Variants in ING3 observed in about 807,000 individuals in gnomAD.
ING3 encodes inhibitor of growth protein 3.
Under a neutral mutation model 64.8 loss-of-function variants are expected in ING3, and 6 were observed. That is an observed-to-expected ratio of 0.09 (90% CI 0.05 to 0.18). The LOEUF (loss-of-function observed/expected upper bound fraction) is 0.18. Ranked by LOEUF, ING3 falls within the 10% of genes least tolerant of loss-of-function variation. The probability of loss-of-function intolerance (pLI) is 1.00; values close to 1 mark genes in which losing one functional copy is unlikely to be tolerated. For synonymous variants in ING3, 170 were observed against 173.7 expected, an observed-to-expected ratio of 0.98 and a Z score of 0.17; for missense variants, 310 against 489.7, an observed-to-expected ratio of 0.63 and a Z score of 3.46.
intron 5 of ING3, 31 bp downstream of exon 5, chr7:120,964,869 T>C: frequency 6.5e-7 from 1 of 1,542,782 alleles, no homozygotes; most frequent in Non-Finnish European, 9.0e-7. Flanking sequence ...TCCATCAATA[T>C]TGGACAGTAC....
intron 6 of ING3, 64 bp from the exon 7 acceptor site, chr7:120,967,465 G>A (rs1391051905): frequency 9.1e-6 from 11 of 1,209,248 alleles, no homozygotes; most frequent in Admixed American, 2.3e-5. Context: ...CTGGATATAA[G>A]TATTATGCCT....
chr7:120,962,994 G>A (rs868609971), intron 4 of ING3, among the ~76,000 whole-genome samples: 3 of 152,000 alleles, frequency 2.0e-5, no homozygotes, highest in South Asian at 2.1e-4. Context: ...CACCAAGCAC[G>A]TAATAGCTCA....
chr7:120,963,849 A>C (rs1416054429), intron 4 of ING3, among the ~76,000 whole-genome samples: 1 of 152,212 alleles, frequency 6.6e-6, no homozygotes, highest in African/African-American at 2.4e-5. Context: ...TCTGTAAGAA[A>C]GTTATTTCTA....
rs1349306554 is a variant in ING3, at chr7:120,950,839, A to G, written c.-58A>G. 2 of 1,569,962 alleles carry G rather than the reference A, an allele frequency of 1.3e-6. No individual in the cohort carries two copies. The highest frequency in any genetic ancestry group is 1.7e-6 in the Non-Finnish European group (2 of 1,152,916). ...TTGGAGGGGACAAAACTCCGGCGAC[A>G]GCGAGTGACACAAATAAACCCCTGG... On this transcript the variant is annotated 5_prime_UTR_variant, in exon 1 of 12. Transcript: ENST00000315870.
chr7:120,966,437 A>C (rs559399987), intron 5 of ING3, among the ~76,000 whole-genome samples, 189 bp from the exon 6 acceptor site: 1 of 152,218 alleles, frequency 6.6e-6, no homozygotes, highest in South Asian at 2.1e-4. Flanking sequence ...GTTTAGAGAG[A>C]GGATAACTCA....
chr7:120,952,080 A>G (rs1436290170), intron 2 of ING3, among the ~76,000 whole-genome samples: 1 of 152,266 alleles, frequency 6.6e-6, no homozygotes, highest in Non-Finnish European at 1.5e-5. Context: ...CATAATAAAA[A>G]GTGGTGGCAT....
Position 120,950,914 on chromosome 7 carries a change from C to CT in ING3, c.19dup (p.Tyr7LeufsTer6). ...GGGCCGCGATGTTGTACCTAGAAGA[C>CT]TATCTGGAAAGTGAGTGCGCGGCGC... On this transcript the variant is annotated frameshift_variant, in exon 1 of 12. Transcript: ENST00000315870. LOFTEE classifies it high-confidence loss of function. 6.2e-7 allele frequency: 1 copy of CT among 1,613,602 alleles called. No individual in the cohort carries two copies. Among genetic ancestry groups the CT allele is most frequent in the Non-Finnish European group, 8.5e-7 (1 of 1,179,792 alleles).
intron 5 of ING3, 117 bp from the exon 6 acceptor site, chr7:120,966,509 A>G (rs1015422245): frequency 5.0e-6 from 4 of 805,730 alleles, no homozygotes; most frequent in Non-Finnish European, 9.0e-6. Flanking sequence ...AGGCATATGC[A>G]TCAGAACTTG....
intron 3 of ING3, among the ~76,000 whole-genome samples, chr7:120,954,369 T>C (rs1795813032): frequency 6.6e-6 from 1 of 151,302 alleles, no homozygotes; most frequent in Non-Finnish European, 1.5e-5. Context: ...GAGGTTGCAG[T>C]GAGCCTAGAT....
intron 2 of ING3, among the ~76,000 whole-genome samples, chr7:120,952,772 A>G (rs1795786668): frequency 6.7e-6 from 1 of 149,902 alleles, no homozygotes; most frequent in Non-Finnish European, 1.5e-5. Flanking sequence ...TTTTTTTTTT[A>G]GCAGACATCC....
intron 9 of ING3, among the ~76,000 whole-genome samples, chr7:120,970,146 A>G (rs1796047168): frequency 1.3e-5 from 2 of 152,120 alleles, no homozygotes; most frequent in African/African-American, 2.4e-5. Context: ...GGTTTTGATG[A>G]AGAGTATTCA....
At chr7:120,970,118 T>TTG (rs770727920) in intron 9 of ING3, among the ~76,000 whole-genome samples, 5 of 152,114 alleles carry the variant, frequency 3.3e-5, no homozygotes, top group Non-Finnish European at 7.4e-5. Context: ...TCAAATGTTT[T>TTG]TGTGTGTGTG....
At chr7:120,951,300 A>C in intron 2 of ING3, 65 bp downstream of exon 2, 3 of 1,454,434 alleles carry the variant, frequency 2.1e-6, no homozygotes, top group Non-Finnish European at 1.9e-6. Context: ...GCTTGTCATC[A>C]CTGCTAGCGC....
In ING3 at chr7:120,976,103, C is replaced by T. The variant is rs1796131507; in HGVS notation, c.*1259C>T. On this transcript the variant is annotated 3_prime_UTR_variant, in exon 12 of 12. Transcript: ENST00000315870. The stretch of plus-strand genomic sequence containing the variant: ...CCTTACTACACCAGGGTGATGCTGA[C>T]TGCAGAATAGATCTTATTCTAAGGT... 1 of 152,054 alleles carries T rather than the reference C, an allele frequency of 6.6e-6. No individual in the cohort carries two copies. Among genetic ancestry groups the T allele is most frequent in the South Asian group, 2.1e-4 (1 of 4,828 alleles). 9.4% of individuals were successfully genotyped at this position (152,054 alleles called of 1,614,324 possible). A position where few individuals can be genotyped will look rare whatever the true frequency, so the allele number is the denominator to read the frequency against.
At chr7:120,951,009 GGGAGGGGGC>G in intron 1 of ING3, 85 bp downstream of exon 1, 1 of 1,526,034 alleles carries the variant, frequency 6.6e-7, no homozygotes, top group Non-Finnish European at 9.1e-7. Flanking sequence ...GATGGCGGGA[GGGAGGGGGC>G]GGCGGGGGAT....
intron 4 of ING3, chr7:120,956,624 C>T: frequency 1.0e-6 from 1 of 987,472 alleles, no homozygotes. Flanking sequence ...AAAAAAATTT[C>T]ATAAAAGACA....
At chr7:120,951,555 T>G (rs970498223) in intron 2 of ING3, among the ~76,000 whole-genome samples, 9 of 152,222 alleles carry the variant, frequency 5.9e-5, no homozygotes, top group Non-Finnish European at 1.0e-4. Flanking sequence ...TAATAAATGT[T>G]GAGATGTCGT....
intron 6 of ING3, among the ~76,000 whole-genome samples, chr7:120,967,050 C>G (rs886783749): frequency 7.2e-5 from 11 of 152,170 alleles, no homozygotes; most frequent in African/African-American, 2.4e-4. Context: ...GGCCCTTTGT[C>G]TTTTTCATCC....
chr7:120,959,158 G>T (rs1795895169), intron 4 of ING3, among the ~76,000 whole-genome samples: 1 of 152,050 alleles, frequency 6.6e-6, no homozygotes, highest in African/African-American at 2.4e-5. Flanking sequence ...TGTTCCTCAG[G>T]GTTCTGTCCT....
Sources: allele counts gnomAD v4.1 joint callset (sites outside exome capture counted in the v4.1 genomes callset), GRCh38; gene constraint gnomAD v4.1.1; transcripts MANE v1.5; gene names NCBI Gene and HGNC (gene_info 2026-07-23, HGNC 2026-07-21).